FAM228B: variants seen among roughly 807,000 people sequenced by gnomAD.
FAM228B encodes the protein family with sequence similarity 228 member B.
A neutral mutation model predicts 42.6 loss-of-function variants in FAM228B; 38 were observed. The ratio of observed to expected loss-of-function variants is 0.89; its 90% CI spans 0.69 to 1.17. The LOEUF is 1.17. Among genes scored for constraint, FAM228B ranks in the 50% most tolerant of loss-of-function variants. FAM228B has a pLI of 0.00. For synonymous variants in FAM228B, 109 were observed against 122.3 expected (o/e 0.89, Z 0.72); for missense variants, 344 against 367.3 (o/e 0.94, Z 0.52).
At chr2:24,129,146 C>G (rs1435654204) in intron 2 of FAM228B, among the ~76,000 whole-genome samples, 1 of 152,216 alleles carries the variant, frequency 6.6e-6, no homozygotes, top group East Asian at 1.9e-4. Context: ...CTCTAGTACT[C>G]TAACCTATGA....
At position 24,169,407 on chromosome 2, in the gene FAM228B, C is replaced by T; in HGVS notation, c.*66C>T. 2.2e-6 allele frequency: 1 copy of T among 460,610 alleles called. No individual in the cohort carries two copies. Among genetic ancestry groups the T allele is most frequent in the Middle Eastern group, 3.3e-4 (1 of 3,028 alleles). The allele number at this position is 460,610 out of a possible 1,614,324, so 28.5% of individuals were successfully genotyped here. A position where few individuals can be genotyped will look rare whatever the true frequency, so the allele number is the denominator to read the frequency against. On this transcript the variant is annotated 3_prime_UTR_variant, in exon 11 of 11. Coordinates refer to ENST00000615575, the MANE Select transcript of FAM228B (RefSeq NM_001145710.2). This position sits in a 1 kb window ranked among gnomAD's most constrained non-coding sequence, Gnocchi z 4.2. ...CTGATCCTTGATTGGTGAAAGGATACACAAAATCAGGCTGCTTCAGAGGAA... is the reference window on the plus strand; with the variant it reads ...CTGATCCTTGATTGGTGAAAGGATATACAAAATCAGGCTGCTTCAGAGGAA...
chr2:24,144,894 A>G (rs1408192922), intron 5 of FAM228B, among the ~76,000 whole-genome samples: 3 of 152,044 alleles, frequency 2.0e-5, no homozygotes, highest in African/African-American at 7.2e-5. Flanking sequence ...GCCCTGCCCC[A>G]TCCACCACCA....
At chr2:24,161,154 A>T (rs1484729730) in intron 7 of FAM228B, among the ~76,000 whole-genome samples, 1 of 152,204 alleles carries the variant, frequency 6.6e-6, no homozygotes, top group Non-Finnish European at 1.5e-5. Flanking sequence ...CTTTCAAAAC[A>T]TTCTCATACC....
In FAM228B at chr2:24,080,185, C is replaced by T. The variant is rs988641853; in HGVS notation, c.-289-691C>T. 3.3e-5 allele frequency among the ~76,000 whole-genome samples: 5 copies of T among 151,908 alleles called. No homozygotes were observed. Among genetic ancestry groups the T allele is most frequent in the Admixed American group, 6.6e-5 (1 of 15,258 alleles). ...CAGCCTGGCCAACATAGTGAAAGCCCGTCTCTACTAAAAATACAAAAATTA... is the reference window on the plus strand; with the variant it reads ...CAGCCTGGCCAACATAGTGAAAGCCTGTCTCTACTAAAAATACAAAAATTA... On this transcript the variant is annotated intron_variant, in intron 1 of 10. Coordinates refer to the FAM228B transcript ENST00000613899. The surrounding 1 kb of genome is among the most constrained non-coding windows in gnomAD (Gnocchi z 4.7).
At chr2:24,085,792 A>G (rs1665225006) in intron 2 of FAM228B, 1 of 152,202 alleles carries the variant, frequency 6.6e-6, no homozygotes, top group South Asian at 2.1e-4. Flanking sequence ...ACCTGTAGCG[A>G]TGGTGCTAAA....
chr2:24,146,252 T>C (rs1050872036), intron 5 of FAM228B, among the ~76,000 whole-genome samples: 2 of 152,192 alleles, frequency 1.3e-5, no homozygotes, highest in Non-Finnish European at 2.9e-5. Flanking sequence ...TGTTTTCATA[T>C]GTAGAACTGT....
chr2:24,143,266 C>T (rs927366824), intron 5 of FAM228B, among the ~76,000 whole-genome samples: 17 of 152,072 alleles, frequency 1.1e-4, no homozygotes, highest in Non-Finnish European at 1.5e-4. Context: ...CTGCAACCTC[C>T]GCCTCCCGGG....
rs1335914110 is a variant in FAM228B at position 24,158,215 on chromosome 2, C to CTTTTTTTTTTTTTTTTTTA, written c.687-3291_687-3290insTTTTTTTTTTTTTTTTTTA. Among the ~76,000 whole-genome samples, 6 of 9,178 alleles carry CTTTTTTTTTTTTTTTTTTA rather than the reference C, an allele frequency of 6.5e-4. 2 individuals are homozygous for CTTTTTTTTTTTTTTTTTTA. The highest frequency in any genetic ancestry group is 5.3e-3 in the East Asian group (2 of 376). The allele number at this position is 9,178 out of a possible 152,430, so 6.0% of individuals were successfully genotyped here. On this transcript the variant is annotated intron_variant, in intron 7 of 10. Coordinates refer to ENST00000615575, the MANE Select transcript of FAM228B (RefSeq NM_001145710.2). ...AACCTCCTTTTTTTTTTTTTTTTTC[C>CTTTTTTTTTTTTTTTTTTA]AAAACATTGTTCCCAAGACTCTATT...
chr2:24,165,447 A>C (rs1667382116), intron 9 of FAM228B: 1 of 471,046 alleles, frequency 2.1e-6, no homozygotes, highest in Non-Finnish European at 4.4e-6. Context: ...CTCTGCTGTC[A>C]GTCCCCTACG....
intron 2 of FAM228B, among the ~76,000 whole-genome samples, chr2:24,127,339 C>T (rs530781980): frequency 2.6e-5 from 4 of 152,324 alleles, no homozygotes; most frequent in African/African-American, 9.6e-5. Flanking sequence ...TTTATCCCTT[C>T]ATCAGTGGAT....
intron 7 of FAM228B, among the ~76,000 whole-genome samples, chr2:24,154,355 C>T (rs1667086061): frequency 3.3e-5 from 5 of 152,162 alleles, no homozygotes; most frequent in Admixed American, 3.3e-4. Context: ...TGCCATCTGT[C>T]TGTCTTCTTT....
chr2:24,081,077 C>T, intron 2 of FAM228B: 1 of 1,547,384 alleles, frequency 6.5e-7, no homozygotes, highest in South Asian at 1.1e-5. Flanking sequence ...AACTGCTACA[C>T]ATTCCCCACA....
intron 7 of FAM228B, among the ~76,000 whole-genome samples, chr2:24,147,957 A>G (rs1389833980): frequency 6.8e-6 from 1 of 145,988 alleles, no homozygotes; most frequent in Non-Finnish European, 1.5e-5. Context: ...TTTTTATTGA[A>G]TGCCAGATAT....
intron 7 of FAM228B, among the ~76,000 whole-genome samples, chr2:24,157,308 CA>C: frequency 6.6e-6 from 1 of 152,276 alleles, no homozygotes; most frequent in South Asian, 2.1e-4. Flanking sequence ...CACTTCTTAA[CA>C]TGTGCTAATT....
At chr2:24,158,211 T>TTTTTTTTTTTTTC in intron 7 of FAM228B, among the ~76,000 whole-genome samples, 1 of 144,948 alleles carries the variant, frequency 6.9e-6, no homozygotes, top group Non-Finnish European at 1.5e-5. Context: ...TTTTTTTTTT[T>TTTTTTTTTTTTTC]TTCCAAAACA....
chr2:24,130,811 C>T (rs1037568723), intron 2 of FAM228B, among the ~76,000 whole-genome samples: 6 of 152,172 alleles, frequency 3.9e-5, no homozygotes, highest in African/African-American at 9.7e-5. Flanking sequence ...AATTAGATCA[C>T]ATTTGTCAAT....
intron 3 of FAM228B, among the ~76,000 whole-genome samples, chr2:24,104,377 C>A (rs1237927147): frequency 6.6e-6 from 1 of 152,224 alleles, no homozygotes; most frequent in African/African-American, 2.4e-5. Context: ...TGGGGCAGAC[C>A]AGCCAGCGCC....
At chr2:24,139,274 A>G (rs766664670) in intron 4 of FAM228B, 96 bp from the exon 5 acceptor site, 19 of 555,600 alleles carry the variant, frequency 3.4e-5, no homozygotes, top group Non-Finnish European at 5.2e-5. Flanking sequence ...TTCAAGCATA[A>G]GAATGATACT....
intron 3 of FAM228B, among the ~76,000 whole-genome samples, chr2:24,102,563 C>A (rs1295090198): frequency 6.6e-6 from 1 of 152,102 alleles, no homozygotes; most frequent in Non-Finnish European, 1.5e-5. Context: ...CATGGCAAAA[C>A]CCTGTCTCTA....
Sources: allele counts gnomAD v4.1 joint callset (sites outside exome capture counted in the v4.1 genomes callset), GRCh38; gene constraint gnomAD v4.1.1; non-coding constraint Gnocchi (gnomAD v3.1); transcripts MANE v1.5; gene names NCBI Gene and HGNC (gene_info 2026-07-23, HGNC 2026-07-21).